The following ZNRF2 variants were observed in gnomAD, a reference collection of about 807,000 sequenced individuals.
The protein encoded by ZNRF2 is E3 ubiquitin-protein ligase ZNRF2.
In ZNRF2, 16 loss-of-function variants were observed where a neutral mutation model predicts 20.4. The observed-to-expected ratio is 0.79, with a 90% CI of 0.53 to 1.19. ZNRF2 has a LOEUF of 1.19. Ranked by LOEUF, ZNRF2 falls within the 50% of genes most tolerant of loss-of-function variation. The pLI, the probability that ZNRF2 is intolerant of heterozygous loss-of-function variation, is 0.00. For missense variants in ZNRF2, 363 were observed against 332.4 expected (o/e 1.09, Z -0.72); for synonymous variants, 178 against 144.9 (o/e 1.23, Z -1.64).
At chr7:30,289,595 T>C (rs1798859610) in intron 1 of ZNRF2, among the ~76,000 whole-genome samples, 1 of 152,192 alleles carries the variant, frequency 6.6e-6, no homozygotes, top group African/African-American at 2.4e-5. Flanking sequence ...AATAAGAATT[T>C]TGGTGGTTAT....
At chr7:30,321,171 G>C (rs185556328) in intron 1 of ZNRF2, among the ~76,000 whole-genome samples, 175 of 152,204 alleles carry the variant, frequency 1.1e-3, no homozygotes, top group Non-Finnish European at 2.1e-3. Flanking sequence ...ATGCTCTAGT[G>C]GGGGTATGGT....
chr7:30,365,147 CTTTTTTTT>C (rs533354831), intron 4 of ZNRF2, among the ~76,000 whole-genome samples: 28 of 70,338 alleles, frequency 4.0e-4, no homozygotes, highest in Admixed American at 8.6e-4. Flanking sequence ...AGCTGATAAG[CTTTTTTTT>C]TTTTTTTTTT....
At chr7:30,344,144 A>G (rs189028874) in intron 2 of ZNRF2, among the ~76,000 whole-genome samples, 27 of 150,076 alleles carry the variant, frequency 1.8e-4, no homozygotes, top group Admixed American at 4.0e-4. Flanking sequence ...CTGGTCTCGA[A>G]CTCCTGACCT....
intron 1 of ZNRF2, among the ~76,000 whole-genome samples, chr7:30,291,731 G>A (rs1016207165): frequency 1.3e-5 from 2 of 152,166 alleles, no homozygotes; most frequent in Non-Finnish European, 2.9e-5. Context: ...GGAAACATGA[G>A]TCTCTAATTC....
chr7:30,312,553 G>A (rs919182489), intron 1 of ZNRF2, among the ~76,000 whole-genome samples: 1 of 152,136 alleles, frequency 6.6e-6, no homozygotes. Flanking sequence ...AGCATATATT[G>A]GAGGGAGGAT....
At chr7:30,297,835 G>T (rs1204946703) in intron 1 of ZNRF2, among the ~76,000 whole-genome samples, 1 of 150,820 alleles carries the variant, frequency 6.6e-6, no homozygotes, top group Non-Finnish European at 1.5e-5. Flanking sequence ...GTATGTCTTT[G>T]GTTTTTGTTC....
At chr7:30,341,442 G>A (rs1277114739) in intron 2 of ZNRF2, among the ~76,000 whole-genome samples, 1 of 152,004 alleles carries the variant, frequency 6.6e-6, no homozygotes, top group Non-Finnish European at 1.5e-5. Context: ...TTGTGTTTTT[G>A]TTCTCATTTA....
At chr7:30,359,404 G>A (rs866043927) in intron 3 of ZNRF2, among the ~76,000 whole-genome samples, 4 of 152,084 alleles carry the variant, frequency 2.6e-5, no homozygotes, top group East Asian at 1.9e-4. Flanking sequence ...TGGAAATAGC[G>A]TTCTCCCTCT....
intron 1 of ZNRF2, among the ~76,000 whole-genome samples, chr7:30,322,100 C>T (rs1799479820): frequency 6.6e-6 from 1 of 151,928 alleles, no homozygotes; most frequent in African/African-American, 2.4e-5. Context: ...GTTGGACAAA[C>T]TTGTTTTAAT....
Position 30,285,433 on chromosome 7 carries a change from A to G in ZNRF2, c.76A>G (p.Ser26Gly). 1 of 1,203,498 alleles carries G rather than the reference A, an allele frequency of 8.3e-7. No individual in the cohort carries two copies. Among genetic ancestry groups the G allele is most frequent in the Non-Finnish European group, 1.0e-6 (1 of 959,288 alleles). 74.6% of individuals were successfully genotyped at this position (1,203,498 alleles called of 1,614,324 possible). The change falls in exon 1 of 5, where the codon AGT (serine) becomes GGT (glycine). Residue 26 changes from serine (S) to glycine (G), a missense_variant. Around this residue, in one of 2 missense-constraint regions of ZNRF2, gnomAD observed 302 missense variants for 231.5 expected, o/e 1.30. Coordinates refer to ENST00000323037, the MANE Select transcript of ZNRF2 (RefSeq NM_147128.4). ...RAYSGSDLPS[S>G]SSGGANGTAG... ...GTACTCGGGCTCGGATCTACCTTCC[A>G]GTAGCAGCGGAGGCGCCAATGGGAC...
chr7:30,329,662 TTC>T (rs1799606828), intron 2 of ZNRF2, among the ~76,000 whole-genome samples: 1 of 152,226 alleles, frequency 6.6e-6, no homozygotes, highest in Admixed American at 6.5e-5. Context: ...CTGAATAATA[TTC>T]TATTGTTTAT....
chr7:30,344,466 T>C (rs1799846173), intron 2 of ZNRF2, among the ~76,000 whole-genome samples: 1 of 152,172 alleles, frequency 6.6e-6, no homozygotes, highest in South Asian at 2.1e-4. Flanking sequence ...GTTGTTACAT[T>C]ACCTAATGTT....
chr7:30,319,777 A>G (rs1034377865), intron 1 of ZNRF2, among the ~76,000 whole-genome samples: 1 of 152,128 alleles, frequency 6.6e-6, no homozygotes, highest in Non-Finnish European at 1.5e-5. Flanking sequence ...TTCATTGTCT[A>G]TATGTTTTCT....
In ZNRF2 at chr7:30,337,472, G is replaced by A. The variant is rs537682491; in HGVS notation, c.565+13735G>A. 1.6e-4 allele frequency among the ~76,000 whole-genome samples: 25 copies of A among 152,200 alleles called. No homozygotes were observed. The East Asian group carries it at 4.6e-3, about 28-fold the overall frequency. On this transcript the variant is annotated intron_variant, in intron 2 of 4. Coordinates refer to ENST00000323037, the MANE Select transcript of ZNRF2 (RefSeq NM_147128.4). Reference sequence around the variant, plus strand: ...TATCAGTTCCTTAAGGCCCAAGAGGGCCAGGTGACATCTCCATACTCAGTG... The same window carrying A: ...TATCAGTTCCTTAAGGCCCAAGAGGACCAGGTGACATCTCCATACTCAGTG...
At chr7:30,304,493 T>G (rs978379564) in intron 1 of ZNRF2, among the ~76,000 whole-genome samples, 5 of 152,234 alleles carry the variant, frequency 3.3e-5, no homozygotes, top group Admixed American at 6.5e-5. Context: ...GCAAATTATT[T>G]TGGTCTTTTA....
At chr7:30,349,972 T>C (rs1799938606) in intron 2 of ZNRF2, among the ~76,000 whole-genome samples, 2 of 152,108 alleles carry the variant, frequency 1.3e-5, no homozygotes, top group Admixed American at 1.3e-4. Context: ...AGGAAAATTA[T>C]CTTAGTTTGA....
intron 2 of ZNRF2, among the ~76,000 whole-genome samples, chr7:30,353,151 A>C (rs533614329): frequency 5.9e-5 from 9 of 152,230 alleles, no homozygotes; most frequent in African/African-American, 1.9e-4. Flanking sequence ...TTGCTATGTG[A>C]AGCTGTAATC....
At position 30,285,560 on chromosome 7, in the gene ZNRF2, C is replaced by T. The variant is rs1798763222; in HGVS notation, c.203C>T (p.Ala68Val). The change falls in exon 1 of 5, where the codon GCC (alanine) becomes GTC (valine). Residue 68 changes from alanine to valine, a missense_variant. This residue lies in a region of ZNRF2 where 302 missense variants were observed against 231.5 expected (regional missense o/e 1.30). Coordinates refer to ENST00000323037, the MANE Select transcript of ZNRF2 (RefSeq NM_147128.4). ...AGCGCCTCCGGCGGCGCCGCGGCGG[C>T]CGCGGCGGCCCCGGCAGCCCCGGCG... ...QPSASGGAAA[A>V]AAAPAAPAAP... 13 of 977,490 alleles carry T rather than the reference C, an allele frequency of 1.3e-5. No individual in the cohort carries two copies. In the South Asian group the frequency reaches 2.3e-4, roughly 17 times the overall value. The allele number at this position is 977,490 out of a possible 1,614,324, so 60.6% of individuals were successfully genotyped here.
chr7:30,367,388 A>T lies in ZNRF2; in HGVS notation c.*1376A>T, dbSNP rs1800232661. On this transcript the variant is annotated 3_prime_UTR_variant, in exon 5 of 5. Coordinates refer to ENST00000323037, the MANE Select transcript of ZNRF2 (RefSeq NM_147128.4). ...TTTAATATCAAAAATATCGATAAGT[A>T]GGTTTTGTGTTTTCAACGTAGGGAA... 1.3e-5 allele frequency: 2 copies of T among 152,392 alleles called. No individual in the cohort carries two copies. The allele number at this position is 152,392 out of a possible 1,614,324, so 9.4% of individuals were successfully genotyped here. A position where few individuals can be genotyped will look rare whatever the true frequency, so the allele number is the denominator to read the frequency against.
Sources: allele counts gnomAD v4.1 joint callset (sites outside exome capture counted in the v4.1 genomes callset), GRCh38; gene constraint gnomAD v4.1.1; regional missense constraint gnomAD v4.1.1; transcripts MANE v1.5; gene names NCBI Gene and HGNC (gene_info 2026-07-23, HGNC 2026-07-21).